SLC25A13: variants seen among roughly 807,000 people sequenced by gnomAD.
SLC25A13 encodes solute carrier family 25 member 13.
A neutral mutation model predicts 85.5 loss-of-function variants in SLC25A13; 70 were observed. That is an observed-to-expected ratio of 0.82 (90% confidence interval 0.68 to 1.00). The LOEUF (loss-of-function observed/expected upper bound fraction) is 1.00, where lower values mean the gene tolerates loss of function less well. Ranked by LOEUF, SLC25A13 falls within the 50% of genes least tolerant of loss-of-function variation. SLC25A13 has a pLI of 0.00. For missense variants in SLC25A13, 765 were observed against 819.8 expected (o/e 0.93, Z 0.82); for synonymous variants, 259 against 288.7 (o/e 0.90, Z 1.04).
At chr7:96,131,941 G>C (rs1792051172) in intron 14 of SLC25A13, 60 bp from the exon 15 acceptor site, 2 of 1,609,950 alleles carry the variant, frequency 1.2e-6, no homozygotes. Flanking sequence ...AGGAGATCAA[G>C]CTTCTCTGGA....
rs116534242 is a variant in SLC25A13, at chr7:96,252,651, C to T, written c.213-17734G>A. 5.7e-3 allele frequency among the ~76,000 whole-genome samples: 865 copies of T among 152,230 alleles called. 8 individuals are homozygous for T. Among genetic ancestry groups the T allele is most frequent in the African/African-American group, 0.019 (801 of 41,534 alleles). ...ATGCAAGGGAACATGGTATAATGAA[C>T]GTGAAGTGAGTATTGCAAAAAGGGG... is the stretch of plus-strand genomic sequence containing the variant. On this transcript the variant is annotated intron_variant, in intron 3 of 17. Coordinates refer to ENST00000265631, the MANE Select transcript of SLC25A13 (RefSeq NM_014251.3).
intron 13 of SLC25A13, among the ~76,000 whole-genome samples, chr7:96,147,680 G>A (rs1433033468): frequency 6.6e-6 from 1 of 152,012 alleles, no homozygotes; most frequent in Admixed American, 6.6e-5. Context: ...TATAAAAGCT[G>A]GAAAGAAAAA....
intron 2 of SLC25A13, among the ~76,000 whole-genome samples, chr7:96,285,058 C>T (rs1032816722): frequency 4.6e-5 from 7 of 151,932 alleles, no homozygotes; most frequent in African/African-American, 1.5e-4. Flanking sequence ...TACAATAGCA[C>T]GCATCATCTC....
chr7:96,264,425 C>T (rs980822387), intron 3 of SLC25A13, among the ~76,000 whole-genome samples: 8 of 152,042 alleles, frequency 5.3e-5, no homozygotes, highest in Admixed American at 2.0e-4. Context: ...TCAAAGAAAC[C>T]AAAAGACAAC....
intron 11 of SLC25A13, among the ~76,000 whole-genome samples, chr7:96,183,081 A>C (rs1014094300): frequency 3.9e-5 from 6 of 152,198 alleles, no homozygotes; most frequent in Non-Finnish European, 7.3e-5. Context: ...GAAGGCAGTG[A>C]CCCTGAAAGG....
Position 96,189,583 on chromosome 7 carries a change from C to G in SLC25A13, c.846G>C (p.Arg282Ser). The G allele has an allele frequency of 2.5e-6, 4 of 1,610,450 alleles. No individual in the cohort carries two copies. The highest frequency in any genetic ancestry group is 3.4e-6 in the Non-Finnish European group (4 of 1,179,066). Reference sequence around the variant, plus strand: ...AAAAAAAAAAAAAGCCAACTTACCCCCTTGGCTCATATAAATCTGCTAACT... The same window carrying G: ...AAAAAAAAAAAAAGCCAACTTACCCGCTTGGCTCATATAAATCTGCTAACT... ...LFQLADLYEP[R>S]GRMTLADIER... The change falls in exon 8 of 18, where the codon AGG becomes AGC. Residue 282 changes from arginine (R) to serine (S), a missense_variant and splice_region_variant. By Grantham distance (110) the Arg-to-Ser change is moderately radical. Transcript: ENST00000265631.
At chr7:96,258,558 TAA>T (rs912823334) in intron 3 of SLC25A13, among the ~76,000 whole-genome samples, 16 of 151,968 alleles carry the variant, frequency 1.1e-4, no homozygotes, top group Middle Eastern at 3.2e-3. Context: ...CTCAAGAAAA[TAA>T]GAGAGGACAC....
chr7:96,230,639 G>A, intron 4 of SLC25A13, among the ~76,000 whole-genome samples: 1 of 152,176 alleles, frequency 6.6e-6, no homozygotes, highest in Non-Finnish European at 1.5e-5. Context: ...ATAAACAGAA[G>A]TAAGGCTGTA....
At chr7:96,128,355 T>A (rs1791819449) in intron 15 of SLC25A13, among the ~76,000 whole-genome samples, 2 of 152,266 alleles carry the variant, frequency 1.3e-5, no homozygotes, top group Admixed American at 6.5e-5. Context: ...GAGAGAGACA[T>A]CCTTGTCTTA....
At chr7:96,172,989 A>C (rs1562814495) in intron 11 of SLC25A13, among the ~76,000 whole-genome samples, 1 of 152,130 alleles carries the variant, frequency 6.6e-6, no homozygotes, top group Non-Finnish European at 1.5e-5. Context: ...CCATCTCCTG[A>C]CCTCATGATC....
rs1797353856 is a variant in SLC25A13, at chr7:96,250,019, C to T, written c.213-15102G>A. On this transcript the variant is annotated intron_variant, in intron 3 of 17. Coordinates refer to ENST00000265631, the MANE Select transcript of SLC25A13 (RefSeq NM_014251.3). Reference sequence around the variant, plus strand: ...GCCAACATGGTGAACCCCATCTCTACCAAAAATATAAAAATTAGCCAGGTG... The same window carrying T: ...GCCAACATGGTGAACCCCATCTCTATCAAAAATATAAAAATTAGCCAGGTG... 2.0e-5 allele frequency among the ~76,000 whole-genome samples: 3 copies of T among 151,846 alleles called. No homozygotes were observed. The South Asian group carries it at 6.2e-4, about 31-fold the overall frequency.
intron 3 of SLC25A13, among the ~76,000 whole-genome samples, chr7:96,275,930 C>T (rs893621144): frequency 6.6e-6 from 1 of 152,116 alleles, no homozygotes; most frequent in Non-Finnish European, 1.5e-5. Flanking sequence ...AAGGAAAGTG[C>T]TAGTGAAAAC....
chr7:96,134,812 T>TATATATATATATATATATATA (rs1554337568), intron 14 of SLC25A13, among the ~76,000 whole-genome samples: 1 of 146,220 alleles, frequency 6.8e-6, no homozygotes, highest in African/African-American at 2.5e-5. Flanking sequence ...TATATATATA[T>TATATATATATATATATATATA]AACCCTGAGG....
intron 4 of SLC25A13, among the ~76,000 whole-genome samples, chr7:96,230,184 T>C (rs1294434983): frequency 2.6e-5 from 4 of 152,192 alleles, no homozygotes; most frequent in African/African-American, 9.6e-5. Flanking sequence ...ACATGCGACA[T>C]GGATTAATCT....
chr7:96,144,538 T>C (rs895615340), intron 14 of SLC25A13, among the ~76,000 whole-genome samples: 2 of 152,182 alleles, frequency 1.3e-5, no homozygotes, highest in African/African-American at 4.8e-5. Flanking sequence ...ACTACTAGAC[T>C]AGTAATTAAA....
At chr7:96,289,751 G>A (rs980091639) in intron 2 of SLC25A13, among the ~76,000 whole-genome samples, 2 of 152,158 alleles carry the variant, frequency 1.3e-5, no homozygotes, top group East Asian at 1.9e-4. Flanking sequence ...CAAGAAATAC[G>A]GGACTATGTG....
intron 5 of SLC25A13, among the ~76,000 whole-genome samples, chr7:96,206,157 C>G (rs1332382722): frequency 6.6e-6 from 1 of 152,184 alleles, no homozygotes; most frequent in Non-Finnish European, 1.5e-5. Flanking sequence ...CGGCTGCTCC[C>G]CTTCCTCATC....
intron 15 of SLC25A13, among the ~76,000 whole-genome samples, chr7:96,126,341 GGTAGAA>G (rs1192072369): frequency 1.3e-5 from 2 of 152,078 alleles, no homozygotes; most frequent in African/African-American, 2.4e-5. Context: ...CTGCATCTGT[GGTAGAA>G]GTCTTGAATT....
chr7:96,150,624 A>C (rs947653597), intron 13 of SLC25A13, among the ~76,000 whole-genome samples: 2 of 152,124 alleles, frequency 1.3e-5, no homozygotes, highest in African/African-American at 2.4e-5. Context: ...ATCCCATCCA[A>C]CTGGTTTGTT....
Sources: gnomAD v4.1 joint callset for allele counts (sites outside exome capture counted in the v4.1 genomes callset) on GRCh38, gnomAD v4.1.1 for gene constraint, MANE v1.5 for transcripts, NCBI Gene and HGNC (gene_info 2026-07-23, HGNC 2026-07-21) for gene names.